MOB4: variants seen among roughly 807,000 people sequenced by gnomAD.
MOB4 encodes MOB family member 4, phocein, also known as MOB-like protein phocein.
A neutral mutation model predicts 32.2 loss-of-function variants in MOB4; 4 were observed. The observed-to-expected ratio is 0.12, with a 90% CI of 0.06 to 0.28. MOB4 has a LOEUF of 0.28. Ranked by LOEUF, MOB4 falls within the 10% of genes least tolerant of loss-of-function variation. MOB4 has a pLI of 1.00. For missense variants in MOB4, 158 were observed against 271.2 expected, an observed-to-expected ratio of 0.58 and a Z score of 2.93; for synonymous variants, 88 against 88.1, an observed-to-expected ratio of 1.00 and a Z score of 0.01.
In MOB4 at chr2:197,523,710, C is replaced by A. The variant is rs1574627407; in HGVS notation, c.123+24C>A. On this transcript the variant is annotated intron_variant, in intron 2 of 7. Transcript: ENST00000323303. ...AGGTAATAAAAATAGTTTCTTTTCA[C>A]CCTGTGTCTTTTGGAGTACGATGTG... The A allele has an allele frequency of 3.8e-6, 6 of 1,594,248 alleles. No individual in the cohort carries two copies. The East Asian group carries it at 1.1e-4, about 30-fold the overall frequency.
At chr2:197,541,606 T>C (rs1056348669) in intron 5 of MOB4, among the ~76,000 whole-genome samples, 11 of 152,236 alleles carry the variant, frequency 7.2e-5, no homozygotes, top group Non-Finnish European at 1.6e-4. Flanking sequence ...TTTATGTTAA[T>C]TAATTGAAGC....
rs918735203 is a variant in MOB4 at position 197,535,776 on chromosome 2, T to A, written c.224+146T>A. ...TTTGGCATTTTCAGTGTCACAAGGT[T>A]CTCAGCTTTCTTCACTGGTTGTTTC... On this transcript the variant is annotated intron_variant, in intron 3 of 7. Transcript: ENST00000323303. The A allele has an allele frequency of 2.0e-5, 16 of 811,606 alleles. No individual in the cohort carries two copies. In the African/African-American group the frequency reaches 2.3e-4, roughly 12 times the overall value. 50.3% of individuals were successfully genotyped at this position (811,606 alleles called of 1,614,324 possible). A position where few individuals can be genotyped will look rare whatever the true frequency, so the allele number is the denominator to read the frequency against.
intron 3 of MOB4, among the ~76,000 whole-genome samples, chr2:197,539,481 G>T (rs1408153102): frequency 1.3e-5 from 2 of 151,942 alleles, no homozygotes; most frequent in Non-Finnish European, 2.9e-5. Flanking sequence ...ATTATGCCCG[G>T]CTAATTTTTG....
At position 197,537,128 on chromosome 2, in the gene MOB4, A is replaced by T. The variant is rs529401331; in HGVS notation, c.224+1498A>T. Among the ~76,000 whole-genome samples the T allele has an allele frequency of 5.1e-4, 77 of 152,328 alleles. 2 individuals are homozygous for T. In the South Asian group the frequency reaches 8.3e-3, roughly 16 times the overall value. ...TACCTGTAAATTATTGCAAACTTCC[A>T]GTCTTCTCTTTGGTAAATAGAGATT... is the stretch of plus-strand genomic sequence containing the variant. On this transcript the variant is annotated intron_variant, in intron 3 of 7. Transcript: ENST00000323303.
upstream of MOB4, chr2:197,515,783 G>A (rs1201057529): frequency 4.3e-6 from 2 of 465,246 alleles, no homozygotes; most frequent in Non-Finnish European, 3.8e-6. Flanking sequence ...GCACACTGCC[G>A]CAGCGGTCGC....
Position 197,516,218 on chromosome 2 carries a change from C to T in MOB4, c.60+72C>T, listed in dbSNP as rs909940092. 4.5e-6 allele frequency: 7 copies of T among 1,540,792 alleles called. No homozygotes were observed. In the East Asian group the frequency reaches 7.5e-5, roughly 17 times the overall value. ...TGCTGCGCCCGGAAGCTGGCCGCCA[C>T]TGCGGGGAGGTTGGGCCGAGGCGGC... On this transcript the variant is annotated intron_variant, in intron 1 of 7. Coordinates refer to ENST00000323303, the MANE Select transcript of MOB4 (RefSeq NM_015387.5).
At chr2:197,525,318 A>G (rs1425036446) in intron 2 of MOB4, among the ~76,000 whole-genome samples, 1 of 151,730 alleles carries the variant, frequency 6.6e-6, no homozygotes, top group Non-Finnish European at 1.5e-5. Flanking sequence ...ACTGCACTCC[A>G]GCTTGGGGGA....
At chr2:197,549,579 A>G (rs182796806) in intron 6 of MOB4, among the ~76,000 whole-genome samples, 22 of 152,084 alleles carry the variant, frequency 1.4e-4, no homozygotes, top group African/African-American at 4.6e-4. Flanking sequence ...TTCTATATGG[A>G]GTCTTGCTCA....
chr2:197,520,378 A>G (rs182512931), intron 1 of MOB4, among the ~76,000 whole-genome samples: 1 of 152,004 alleles, frequency 6.6e-6, no homozygotes, highest in East Asian at 1.9e-4. Flanking sequence ...TGACCTCATG[A>G]TCCGCCTGCC....
chr2:197,549,014 A>C (rs146154401), intron 6 of MOB4, among the ~76,000 whole-genome samples: 2 of 152,152 alleles, frequency 1.3e-5, no homozygotes, highest in African/African-American at 4.8e-5. Flanking sequence ...GGATCACCTG[A>C]GATTGGGAGT....
intron 3 of MOB4, among the ~76,000 whole-genome samples, chr2:197,536,101 G>A (rs1010420587): frequency 6.6e-6 from 1 of 151,830 alleles, no homozygotes; most frequent in Non-Finnish European, 1.5e-5. Flanking sequence ...ATCTGATTGT[G>A]TTGCCCAGGC....
Position 197,537,502 on chromosome 2 carries a change from T to C in MOB4, c.224+1872T>C, listed in dbSNP as rs1014146882. ...AGGCACTTTTTAAAAATATTTACTT[T>C]TTGATGCTGCATGCTTCTTTAGAAA... On this transcript the variant is annotated intron_variant, in intron 3 of 7. Transcript: ENST00000323303. 7.2e-4 allele frequency among the ~76,000 whole-genome samples: 109 copies of C among 152,354 alleles called. 1 individual carries two copies. Among genetic ancestry groups the C allele is most frequent in the African/African-American group, 2.4e-3 (99 of 41,578 alleles).
At chr2:197,518,724 G>C (rs180918097) in intron 1 of MOB4, among the ~76,000 whole-genome samples, 1 of 151,630 alleles carries the variant, frequency 6.6e-6, no homozygotes, top group Non-Finnish European at 1.5e-5. Context: ...CACCACGCCC[G>C]GCTAATTTTA....
At chr2:197,535,222 CAAAAAAAAAAA>C (rs371120769) in intron 2 of MOB4, among the ~76,000 whole-genome samples, 2 of 66,422 alleles carry the variant, frequency 3.0e-5, no homozygotes, top group African/African-American at 4.5e-5. Context: ...GACCCTGTTT[CAAAAAAAAAAA>C]AAAAAAAAAG....
At chr2:197,536,595 C>CTTTTTTTT (rs71012981) in intron 3 of MOB4, among the ~76,000 whole-genome samples, 8 of 55,366 alleles carry the variant, frequency 1.4e-4, no homozygotes, top group African/African-American at 3.1e-4. Flanking sequence ...CATCTTTTGT[C>CTTTTTTTT]TTTTTTTTTT....
intron 5 of MOB4, among the ~76,000 whole-genome samples, chr2:197,544,436 C>T (rs2086955548): frequency 6.6e-6 from 1 of 151,860 alleles, no homozygotes. Context: ...AAATTAATGC[C>T]ACTAAATTGT....
At chr2:197,524,077 G>A (rs1224615231) in intron 2 of MOB4, among the ~76,000 whole-genome samples, 1 of 152,088 alleles carries the variant, frequency 6.6e-6, no homozygotes, top group African/African-American at 2.4e-5. Flanking sequence ...CTGTTTCTAC[G>A]AAAAGATAAA....
chr2:197,535,837 A>C (rs1403699999), intron 3 of MOB4, among the ~76,000 whole-genome samples: 1 of 151,850 alleles, frequency 6.6e-6, no homozygotes, highest in Non-Finnish European at 1.5e-5. Context: ...CTCATTTTGA[A>C]AGGTGGTTTA....
chr2:197,549,295 G>A (rs2087053402), intron 6 of MOB4, among the ~76,000 whole-genome samples: 1 of 152,044 alleles, frequency 6.6e-6, no homozygotes, highest in African/African-American at 2.4e-5. Flanking sequence ...TGATTTTTAA[G>A]ATCTGAGAAG....
Sources: gnomAD v4.1 joint callset for allele counts (sites outside exome capture counted in the v4.1 genomes callset) on GRCh38, gnomAD v4.1.1 for gene constraint, MANE v1.5 for transcripts, NCBI Gene and HGNC (gene_info 2026-07-23, HGNC 2026-07-21) for gene names.